Variants in SLC9A9 observed in about 807,000 individuals in gnomAD.
The protein encoded by SLC9A9 is solute carrier family 9 member A9, also known as sodium/hydrogen exchanger 9.
SLC9A9 carries 62 observed loss-of-function variants against 77.8 expected under a neutral mutation model. The ratio of observed to expected loss-of-function variants is 0.80; its 90% confidence interval spans 0.65 to 0.98. The LOEUF (loss-of-function observed/expected upper bound fraction) is 0.98. Ranked by LOEUF, SLC9A9 falls within the 50% of genes least tolerant of loss-of-function variation. The pLI, the probability that SLC9A9 is intolerant of heterozygous loss-of-function variation, is 0.00. For synonymous variants in SLC9A9, 320 were observed against 283.5 expected (o/e 1.13, Z -1.29); for missense variants, 775 against 774.9 (o/e 1.00, Z 0.00).
intron 9 of SLC9A9, among the ~76,000 whole-genome samples, chr3:143,510,906 A>T (rs1194882269): frequency 6.6e-6 from 1 of 152,152 alleles, no homozygotes; most frequent in Non-Finnish European, 1.5e-5. Flanking sequence ...GGTGGAGAAA[A>T]GCTTTAACAC....
chr3:143,305,043 C>T (rs953450860), intron 14 of SLC9A9, among the ~76,000 whole-genome samples: 1 of 152,024 alleles, frequency 6.6e-6, no homozygotes, highest in Non-Finnish European at 1.5e-5. Context: ...TTATTAATTT[C>T]TGGGATTGAG....
At chr3:143,717,484 T>G (rs1309770444) in intron 4 of SLC9A9, among the ~76,000 whole-genome samples, 1 of 152,222 alleles carries the variant, frequency 6.6e-6, no homozygotes, top group Non-Finnish European at 1.5e-5. Context: ...AAATTCAGGC[T>G]ATGAGCTTCT....
chr3:143,321,450 T>A (rs2031416900), intron 14 of SLC9A9, among the ~76,000 whole-genome samples: 1 of 152,188 alleles, frequency 6.6e-6, no homozygotes, highest in African/African-American at 2.4e-5. Flanking sequence ...TATGGCCACC[T>A]GAGGTCCTTC....
intron 6 of SLC9A9, among the ~76,000 whole-genome samples, chr3:143,628,987 G>A (rs577590532): frequency 1.3e-5 from 2 of 152,158 alleles, no homozygotes; most frequent in African/African-American, 4.8e-5. Context: ...ATCAGCAAAG[G>A]AGCTACACTA....
chr3:143,497,389 C>A (rs1181540455), intron 9 of SLC9A9, among the ~76,000 whole-genome samples: 3 of 152,140 alleles, frequency 2.0e-5, no homozygotes, highest in Non-Finnish European at 4.4e-5. Flanking sequence ...TAATTTAGGA[C>A]TAAACCACTC....
chr3:143,643,369 C>A (rs1410528376), intron 6 of SLC9A9, among the ~76,000 whole-genome samples: 1 of 152,236 alleles, frequency 6.6e-6, no homozygotes, highest in African/African-American at 2.4e-5. Context: ...TAAGGCTGCT[C>A]TACACAGTCT....
intron 12 of SLC9A9, among the ~76,000 whole-genome samples, chr3:143,415,082 G>A (rs2034168061): frequency 6.6e-6 from 1 of 152,216 alleles, no homozygotes. Flanking sequence ...ACCCAGAGGG[G>A]GGCCCTAACT....
intron 15 of SLC9A9, 125 bp from the exon 16 acceptor site, chr3:143,267,054 C>T (rs1937746860): frequency 1.2e-6 from 1 of 857,442 alleles, no homozygotes; most frequent in African/African-American, 1.7e-5. Context: ...CCTGTCTGGC[C>T]TTGGCTGATG....
chr3:143,326,920 TA>T (rs1476993430), intron 14 of SLC9A9, among the ~76,000 whole-genome samples: 3 of 152,220 alleles, frequency 2.0e-5, no homozygotes, highest in Non-Finnish European at 4.4e-5. Flanking sequence ...TGGAGTCTAT[TA>T]GGGGACCACT....
chr3:143,385,428 GAT>G (rs1022537467), intron 12 of SLC9A9, among the ~76,000 whole-genome samples: 1 of 152,098 alleles, frequency 6.6e-6, no homozygotes, highest in Non-Finnish European at 1.5e-5. Context: ...TCTCAATTGT[GAT>G]ATATAAGCTG....
chr3:143,317,312 C>T (rs2108442604), intron 14 of SLC9A9, among the ~76,000 whole-genome samples: 1 of 152,032 alleles, frequency 6.6e-6, no homozygotes, highest in East Asian at 1.9e-4. Flanking sequence ...CAGAGACAAG[C>T]TCCTGCCCGA....
intron 4 of SLC9A9, among the ~76,000 whole-genome samples, chr3:143,769,682 T>A (rs141621537): frequency 1.3e-5 from 2 of 152,182 alleles, no homozygotes; most frequent in African/African-American, 2.4e-5. Flanking sequence ...TAGCAGCAAG[T>A]TATGCCCAAT....
chr3:143,379,500 C>T (rs138434005), intron 13 of SLC9A9, among the ~76,000 whole-genome samples: 3 of 152,198 alleles, frequency 2.0e-5, no homozygotes, highest in East Asian at 3.9e-4. Flanking sequence ...CTTTGGTAAT[C>T]GAACATTATC....
At chr3:143,339,159 T>A (rs2032015549) in intron 14 of SLC9A9, among the ~76,000 whole-genome samples, 1 of 152,212 alleles carries the variant, frequency 6.6e-6, no homozygotes, top group South Asian at 2.1e-4. Context: ...CTGCCACCAA[T>A]GGTGGCAATC....
chr3:143,382,240 A>G, intron 12 of SLC9A9, 126 bp from the exon 13 acceptor site: 2 of 986,658 alleles, frequency 2.0e-6, no homozygotes, highest in South Asian at 1.3e-5. Flanking sequence ...AAACTATCCT[A>G]CGTCTTCTTG....
At chr3:143,364,024 G>C (rs1251812490) in intron 13 of SLC9A9, among the ~76,000 whole-genome samples, 1 of 152,066 alleles carries the variant, frequency 6.6e-6, no homozygotes, top group East Asian at 1.9e-4. Context: ...GTTGATTTTT[G>C]ATATATTTCT....
chr3:143,387,784 T>TAA (rs34211120), intron 12 of SLC9A9, among the ~76,000 whole-genome samples: 60,857 of 147,008 alleles, frequency 0.41, 12,474 homozygotes, highest in Admixed American at 0.45. Context: ...CAACCATAGT[T>TAA]AAAAAAAAAA....
Position 143,363,676 on chromosome 3 carries a change from GT to G in SLC9A9, c.1525-114del, listed in dbSNP as rs1350620105. On this transcript the variant is annotated intron_variant, in intron 13 of 15. Transcript: ENST00000316549. Reference sequence around the variant, plus strand: ...CTACATTTAAAAAAAACCTTTCTAAGTATAGGCATTTTCATCTAAATGGTGA... The same window carrying G: ...CTACATTTAAAAAAAACCTTTCTAAGATAGGCATTTTCATCTAAATGGTGA... The G allele has an allele frequency of 1.4e-5, 13 of 948,368 alleles. No homozygotes were observed. The African/African-American group carries it at 2.2e-4, about 16-fold the overall frequency. The allele number at this position is 948,368 out of a possible 1,614,324, so 58.7% of individuals were successfully genotyped here.
intron 9 of SLC9A9, among the ~76,000 whole-genome samples, chr3:143,540,579 A>G (rs907910830): frequency 3.3e-5 from 5 of 152,218 alleles, no homozygotes; most frequent in African/African-American, 1.2e-4. Flanking sequence ...ATGCATAAAT[A>G]AATTGAAAAT....
Sources: gnomAD v4.1 joint callset for allele counts (sites outside exome capture counted in the v4.1 genomes callset) on GRCh38, gnomAD v4.1.1 for gene constraint, MANE v1.5 for transcripts, NCBI Gene and HGNC (gene_info 2026-07-23, HGNC 2026-07-21) for gene names.